The following ST6GALNAC3 variants were observed in gnomAD, a reference collection of about 807,000 sequenced individuals.
ST6GALNAC3 encodes the protein alpha-N-acetylgalactosaminide alpha-2,6-sialyltransferase 3.
A neutral mutation model predicts 32.7 loss-of-function variants in ST6GALNAC3; 25 were observed. The ratio of observed to expected loss-of-function variants is 0.76; its 90% confidence interval spans 0.56 to 1.07. The LOEUF (loss-of-function observed/expected upper bound fraction) is 1.07, where lower values mean the gene tolerates loss of function less well. ST6GALNAC3 is among the 50% of genes least tolerant of loss of function. The probability of loss-of-function intolerance (pLI) is 0.00; values close to 1 mark genes in which losing one functional copy is unlikely to be tolerated. For missense variants in ST6GALNAC3, 355 were observed against 382.4 expected (o/e 0.93, Z 0.60); for synonymous variants, 129 against 133.1 (o/e 0.97, Z 0.21).
chr1:76,558,092 C>A (rs1162037725), intron 3 of ST6GALNAC3, among the ~76,000 whole-genome samples: 2 of 152,058 alleles, frequency 1.3e-5, no homozygotes, highest in African/African-American at 2.4e-5. Context: ...CAAAAAGTAG[C>A]CAACATTGGA....
chr1:76,152,731 C>T (rs1215483740), intron 1 of ST6GALNAC3, among the ~76,000 whole-genome samples: 1 of 152,178 alleles, frequency 6.6e-6, no homozygotes, highest in African/African-American at 2.4e-5. Flanking sequence ...ACTTGTGAGA[C>T]TAGCTGAAAA....
intron 3 of ST6GALNAC3, among the ~76,000 whole-genome samples, chr1:76,620,897 G>C: frequency 6.6e-6 from 1 of 152,024 alleles, no homozygotes; most frequent in East Asian, 1.9e-4. Context: ...GTTCAGTTAA[G>C]AAAGTGAATG....
intron 3 of ST6GALNAC3, among the ~76,000 whole-genome samples, chr1:76,538,034 C>T (rs1399920544): frequency 2.6e-5 from 4 of 152,136 alleles, no homozygotes; most frequent in Non-Finnish European, 5.9e-5. Context: ...CCAGCATCAT[C>T]CTGATACCAA....
At chr1:76,095,642 T>C (rs1647118891) in intron 1 of ST6GALNAC3, among the ~76,000 whole-genome samples, 1 of 152,232 alleles carries the variant, frequency 6.6e-6, no homozygotes. Context: ...TGAGATGTTT[T>C]CTGTAAAGTG....
At chr1:76,334,937 C>T (rs1158904530) in intron 2 of ST6GALNAC3, among the ~76,000 whole-genome samples, 1 of 152,128 alleles carries the variant, frequency 6.6e-6, no homozygotes, top group African/African-American at 2.4e-5. Flanking sequence ...TTAGAATCAC[C>T]TGTGATTCTG....
Position 76,509,338 on chromosome 1 carries a change from A to C in ST6GALNAC3, c.623+96921A>C, listed in dbSNP as rs1343275932. The stretch of plus-strand genomic sequence containing the variant: ...GGCAGGAATCCAGTAAACTAGCTTG[A>C]GTCAGATGAACTTCATATTAAGAAT... On this transcript the variant is annotated intron_variant, in intron 3 of 4. Transcript: ENST00000328299. This position sits in a 1 kb window ranked among gnomAD's most constrained non-coding sequence, Gnocchi z 5.5. Among the ~76,000 whole-genome samples, 11 of 152,194 alleles carry C rather than the reference A, an allele frequency of 7.2e-5. No individual in the cohort carries two copies. Among genetic ancestry groups the C allele is most frequent in the Admixed American group, 7.2e-4 (11 of 15,280 alleles).
chr1:76,236,643 G>C (rs1486400956), intron 1 of ST6GALNAC3, among the ~76,000 whole-genome samples: 1 of 152,100 alleles, frequency 6.6e-6, no homozygotes, highest in African/African-American at 2.4e-5. Flanking sequence ...TGATGTACCT[G>C]AGGCTTCACA....
intron 1 of ST6GALNAC3, among the ~76,000 whole-genome samples, chr1:76,100,110 A>C (rs1401222770): frequency 6.6e-6 from 1 of 152,136 alleles, no homozygotes; most frequent in Non-Finnish European, 1.5e-5. Flanking sequence ...TATATCCAGC[A>C]ATCTTGCTAT....
Position 76,278,647 on chromosome 1 carries a change from A to G in ST6GALNAC3, c.19-35158A>G, listed in dbSNP as rs927709340. Among the ~76,000 whole-genome samples, 19 of 152,198 alleles carry G rather than the reference A, an allele frequency of 1.2e-4. No homozygotes were observed. The South Asian group carries it at 1.9e-3, about 15-fold the overall frequency. On this transcript the variant is annotated intron_variant, in intron 1 of 4. Transcript: ENST00000328299. Reference sequence around the variant, plus strand: ...TGTCTATCTGCTTGAACGGAGAAGAAAAGAAAAATAAACAGAAAATGTTGC... The same window carrying G: ...TGTCTATCTGCTTGAACGGAGAAGAGAAGAAAAATAAACAGAAAATGTTGC...
chr1:76,076,007 G>A (rs889583712), intron 1 of ST6GALNAC3, among the ~76,000 whole-genome samples: 1 of 152,158 alleles, frequency 6.6e-6, no homozygotes, highest in Non-Finnish European at 1.5e-5. Flanking sequence ...GACTAACCTC[G>A]TAGAAGTTGT....
At chr1:76,181,316 G>T (rs1448160518) in intron 1 of ST6GALNAC3, among the ~76,000 whole-genome samples, 1 of 152,204 alleles carries the variant, frequency 6.6e-6, no homozygotes, top group Non-Finnish European at 1.5e-5. Flanking sequence ...CTTTAATCCT[G>T]TGTGACTTTT....
At chr1:76,155,927 C>A (rs999865489) in intron 1 of ST6GALNAC3, among the ~76,000 whole-genome samples, 2 of 152,008 alleles carry the variant, frequency 1.3e-5, no homozygotes, top group African/African-American at 4.8e-5. Flanking sequence ...ACCTAGTGTC[C>A]TTTTTCTGCT....
chr1:76,219,209 A>ATAAC (rs1167906635), intron 1 of ST6GALNAC3, among the ~76,000 whole-genome samples: 2 of 152,214 alleles, frequency 1.3e-5, no homozygotes, highest in Non-Finnish European at 2.9e-5. Context: ...TTCCCTGCAT[A>ATAAC]TAACATATGC....
intron 1 of ST6GALNAC3, among the ~76,000 whole-genome samples, chr1:76,242,685 A>ATGAGTGAG (rs1458752558): frequency 6.6e-6 from 1 of 152,006 alleles, no homozygotes; most frequent in Non-Finnish European, 1.5e-5. Flanking sequence ...ACTCCCACTT[A>ATGAGTGAG]TGAGTGAGAA....
chr1:76,289,586 C>T (rs2100812117), intron 1 of ST6GALNAC3, among the ~76,000 whole-genome samples: 1 of 152,236 alleles, frequency 6.6e-6, no homozygotes, highest in East Asian at 1.9e-4. Flanking sequence ...TCTTGTGGGG[C>T]TGAGGGGTAA....
At chr1:76,211,808 A>T (rs1260874389) in intron 1 of ST6GALNAC3, among the ~76,000 whole-genome samples, 1 of 152,134 alleles carries the variant, frequency 6.6e-6, no homozygotes, top group African/African-American at 2.4e-5. Context: ...GCGGGGAGGG[A>T]TAGCATTAGG....
At chr1:76,179,209 G>C (rs1029090393) in intron 1 of ST6GALNAC3, among the ~76,000 whole-genome samples, 1 of 152,204 alleles carries the variant, frequency 6.6e-6, no homozygotes, top group Non-Finnish European at 1.5e-5. Context: ...AATACTTGGT[G>C]TACCTTTGTG....
At chr1:76,261,564 AAGTC>A (rs888135807) in intron 1 of ST6GALNAC3, among the ~76,000 whole-genome samples, 3 of 152,204 alleles carry the variant, frequency 2.0e-5, no homozygotes, top group African/African-American at 7.2e-5. Context: ...GGCCTCTTTT[AAGTC>A]TCAGTTTCTT....
At chr1:76,587,682 C>A (rs1233576958) in intron 3 of ST6GALNAC3, among the ~76,000 whole-genome samples, 1 of 152,166 alleles carries the variant, frequency 6.6e-6, no homozygotes, top group South Asian at 2.1e-4. Context: ...AAAAGCATCC[C>A]GTCAAGTTCT....
Sources: allele counts gnomAD v4.1 joint callset (sites outside exome capture counted in the v4.1 genomes callset), GRCh38; gene constraint gnomAD v4.1.1; non-coding constraint Gnocchi (gnomAD v3.1); transcripts MANE v1.5; gene names NCBI Gene and HGNC (gene_info 2026-07-23, HGNC 2026-07-21).